NECTIN3: variants seen among roughly 807,000 people sequenced by gnomAD.
The protein encoded by NECTIN3 is nectin cell adhesion molecule 3, also known as nectin-3.
NECTIN3 carries 8 observed loss-of-function variants against 49.4 expected under a neutral mutation model. That is an observed-to-expected ratio of 0.16 (90% confidence interval 0.10 to 0.29). NECTIN3 has a LOEUF of 0.29. Among genes scored for constraint, NECTIN3 ranks in the 10% least tolerant of loss-of-function variants. The probability of loss-of-function intolerance (pLI) is 1.00; values close to 1 mark genes in which losing one functional copy is unlikely to be tolerated. For missense variants in NECTIN3, 581 were observed against 654.6 expected (o/e 0.89, Z 1.23); for synonymous variants, 277 against 241.1 (o/e 1.15, Z -1.38).
intron 7 of NECTIN3, among the ~76,000 whole-genome samples, chr3:111,175,913 T>G (rs1221640203): frequency 1.3e-5 from 2 of 152,204 alleles, no homozygotes; most frequent in Non-Finnish European, 2.9e-5. Context: ...TTTAAAAAAT[T>G]TATTTCCTCT....
chr3:111,183,696 G>C (rs1287073455), intron 7 of NECTIN3, among the ~76,000 whole-genome samples: 1 of 151,340 alleles, frequency 6.6e-6, no homozygotes, highest in Non-Finnish European at 1.5e-5. Context: ...ATTGTCTTCT[G>C]TACTCCTTTT....
chr3:111,180,600 G>A (rs2035609239), intron 7 of NECTIN3, among the ~76,000 whole-genome samples: 1 of 152,082 alleles, frequency 6.6e-6, no homozygotes, highest in South Asian at 2.1e-4. Flanking sequence ...TTTTAGAGAG[G>A]TACTTAATAG....
Position 111,135,928 on chromosome 3 carries a change from T to A in NECTIN3, c.*1713T>A. The A allele has an allele frequency of 1.1e-6, 1 of 919,658 alleles. No individual in the cohort carries two copies. Among genetic ancestry groups the A allele is most frequent in the Non-Finnish European group, 1.3e-6 (1 of 771,030 alleles). 57.0% of individuals were successfully genotyped at this position (919,658 alleles called of 1,614,324 possible). ...GTATCAGGTTAAGGATACAGATAAATAAAGTTCACTTATATCTTCTTACAA... is the reference window on the plus strand; with the variant it reads ...GTATCAGGTTAAGGATACAGATAAAAAAAGTTCACTTATATCTTCTTACAA... On this transcript the variant is annotated 3_prime_UTR_variant, in exon 6 of 6. Transcript: ENST00000485303.
intron 2 of NECTIN3, among the ~76,000 whole-genome samples, chr3:111,116,729 A>G (rs964113754): frequency 1.3e-5 from 2 of 152,274 alleles, no homozygotes; most frequent in South Asian, 2.1e-4. Flanking sequence ...CAAATGATTC[A>G]TAAACATATG....
At chr3:111,163,871 G>A (rs373506752) in intron 7 of NECTIN3, among the ~76,000 whole-genome samples, 1 of 151,358 alleles carries the variant, frequency 6.6e-6, no homozygotes. Flanking sequence ...TTTTATATAT[G>A]GATAGATCAG....
Position 111,133,677 on chromosome 3 carries a change from A to G in NECTIN3, c.1112A>G (p.His371Arg). The change falls in exon 6 of 6, where the codon CAT (histidine) becomes CGT (arginine). Residue 371 changes from histidine to arginine, a missense_variant. Physicochemically the swap from His to Arg is conservative, Grantham distance 29. Transcript: ENST00000485303. ...ACCCTTCAGCCTACAATTCAGTGGC[A>G]TCCCTCAACTGCTGACATCGAGGAT... ...TTTLQPTIQW[H>R]PSTADIEDLA... is the part of the protein sequence containing the mutation. The G allele has an allele frequency of 5.0e-6, 8 of 1,613,882 alleles. No homozygotes were observed. The highest frequency in any genetic ancestry group is 6.8e-6 in the Non-Finnish European group (8 of 1,179,842).
intron 4 of NECTIN3, among the ~76,000 whole-genome samples, chr3:111,123,427 C>T (rs1169083524): frequency 6.6e-6 from 1 of 152,062 alleles, no homozygotes; most frequent in Non-Finnish European, 1.5e-5. Context: ...TTAGTGGATG[C>T]TTTCTCTGCA....
chr3:111,175,035 A>C (rs1478300125), intron 7 of NECTIN3, among the ~76,000 whole-genome samples: 1 of 152,064 alleles, frequency 6.6e-6, no homozygotes, highest in Non-Finnish European at 1.5e-5. Context: ...GGGAGCTGGC[A>C]GCGGGGATGG....
chr3:111,134,510 A>T lies in NECTIN3; in HGVS notation c.*295A>T, dbSNP rs1443120412. The T allele has an allele frequency of 9.7e-7, 1 of 1,027,004 alleles. No homozygotes were observed. Among genetic ancestry groups the T allele is most frequent in the Non-Finnish European group, 1.2e-6 (1 of 852,586 alleles). 63.6% of individuals were successfully genotyped at this position (1,027,004 alleles called of 1,614,324 possible). ...AAGAAATGTCAACATTAAATGTATGACTTACTTGGTACAAAAATTTTTTAA... is the reference window on the plus strand; with the variant it reads ...AAGAAATGTCAACATTAAATGTATGTCTTACTTGGTACAAAAATTTTTTAA... On this transcript the variant is annotated 3_prime_UTR_variant, in exon 6 of 6. Coordinates refer to ENST00000485303, the MANE Select transcript of NECTIN3 (RefSeq NM_015480.3).
At chr3:111,085,199 ACT>A (rs1051106410) in intron 1 of NECTIN3, among the ~76,000 whole-genome samples, 1 of 152,176 alleles carries the variant, frequency 6.6e-6, no homozygotes, top group African/African-American at 2.4e-5. Context: ...ATCTGTGGAC[ACT>A]CTATTTCCAA....
chr3:111,192,557 T>C, intron 1 of NECTIN3: 1 of 844,502 alleles, frequency 1.2e-6, no homozygotes, highest in Non-Finnish European at 1.8e-6. Flanking sequence ...AGTCCTTGAA[T>C]TTTACTCTTA....
Position 111,134,126 on chromosome 3 carries a change from G to A in NECTIN3, c.1561G>A (p.Val521Ile), listed in dbSNP as rs759738896. The change falls in exon 6 of 6, where the codon GTC becomes ATC. Residue 521 changes from valine to isoleucine, a missense_variant. Physicochemically the swap from Val to Ile is conservative, Grantham distance 29. Around this residue, in one of 3 missense-constraint regions of NECTIN3, gnomAD observed 238 missense variants for 244.9 expected, o/e 0.97. Transcript: ENST00000485303. ...AGATCTAAAAATGGGAATGAAGTTT[G>A]TCAGTGATGAACATTATGATGAAAA... ...YEDLKMGMKFVSDEHYDENED... is the reference protein window; with the variant it reads ...YEDLKMGMKFISDEHYDENED... The A allele has an allele frequency of 1.2e-6, 2 of 1,613,286 alleles. No homozygotes were observed. Among genetic ancestry groups the A allele is most frequent in the Non-Finnish European group, 1.7e-6 (2 of 1,179,542 alleles).
chr3:111,119,365 G>T (rs2033844518), intron 3 of NECTIN3, among the ~76,000 whole-genome samples: 1 of 152,048 alleles, frequency 6.6e-6, no homozygotes, highest in South Asian at 2.1e-4. Context: ...CGCCAGGCTG[G>T]ACTGCCGCCA....
upstream of NECTIN3, among the ~76,000 whole-genome samples, chr3:111,191,873 C>T (rs922081146): frequency 8.5e-5 from 13 of 152,114 alleles, no homozygotes; most frequent in African/African-American, 3.1e-4. Context: ...GCTCTGTAGC[C>T]CAGGCTAGAG....
chr3:111,087,190 C>G (rs2031982330), intron 1 of NECTIN3, among the ~76,000 whole-genome samples: 1 of 152,110 alleles, frequency 6.6e-6, no homozygotes. Flanking sequence ...GCCTGTTTCT[C>G]TTCAATGATT....
At chr3:111,100,600 A>G (rs1377155090) in intron 1 of NECTIN3, among the ~76,000 whole-genome samples, 2 of 152,136 alleles carry the variant, frequency 1.3e-5, no homozygotes, top group Admixed American at 6.5e-5. Context: ...AGCATTTCAA[A>G]TAAGGGCTAC....
intron 7 of NECTIN3, among the ~76,000 whole-genome samples, chr3:111,159,787 A>G (rs200515465): frequency 1.3e-5 from 2 of 152,366 alleles, no homozygotes; most frequent in East Asian, 1.9e-4. Context: ...TTAGAAATCT[A>G]CCTTCCTTTC....
At chr3:111,155,200 G>A (rs2035073643) in intron 7 of NECTIN3, among the ~76,000 whole-genome samples, 1 of 152,212 alleles carries the variant, frequency 6.6e-6, no homozygotes, top group Non-Finnish European at 1.5e-5. Context: ...CCTCCCAAAA[G>A]TGCTGGGATT....
rs1036209745 is a variant in NECTIN3, at chr3:111,137,048, G to T, written c.*2833G>T. 45 of 982,168 alleles carry T rather than the reference G, an allele frequency of 4.6e-5. No individual in the cohort carries two copies. In the African/African-American group the frequency reaches 7.7e-4, roughly 17 times the overall value. The allele number at this position is 982,168 out of a possible 1,614,324, so 60.8% of individuals were successfully genotyped here. On this transcript the variant is annotated 3_prime_UTR_variant, in exon 6 of 6. Transcript: ENST00000485303. ...AGCCATATACAGGAAAGTTTTATAA[G>T]ATAACCCACGGCTAAATATTTTGCA...
Sources: gnomAD v4.1 joint callset for allele counts (sites outside exome capture counted in the v4.1 genomes callset) on GRCh38, gnomAD v4.1.1 for gene constraint, gnomAD v4.1.1 regional missense constraint, MANE v1.5 for transcripts, NCBI Gene and HGNC (gene_info 2026-07-23, HGNC 2026-07-21) for gene names.